Variants in PTPN4 observed in about 807,000 individuals in gnomAD.
The protein encoded by PTPN4 is protein tyrosine phosphatase non-receptor type 4, also known as tyrosine-protein phosphatase non-receptor type 4.
A neutral mutation model predicts 135.5 loss-of-function variants in PTPN4; 49 were observed. The observed-to-expected ratio is 0.36, with a 90% CI of 0.29 to 0.46. The LOEUF (loss-of-function observed/expected upper bound fraction) is 0.46. PTPN4 is among the 20% of genes least tolerant of loss of function. The pLI is 1.00. For synonymous variants in PTPN4, 333 were observed against 369.9 expected (o/e 0.90, Z 1.14); for missense variants, 860 against 1,101.0 (o/e 0.78, Z 3.10).
chr2:119,904,580 T>G (rs1241687154), intron 10 of PTPN4, among the ~76,000 whole-genome samples: 1 of 151,924 alleles, frequency 6.6e-6, no homozygotes, highest in Non-Finnish European at 1.5e-5. Flanking sequence ...CCCGAAAAGG[T>G]CTCCTCCAAG....
intron 19 of PTPN4, among the ~76,000 whole-genome samples, chr2:119,954,604 A>C (rs1185670660): frequency 6.6e-6 from 1 of 152,162 alleles, no homozygotes; most frequent in East Asian, 1.9e-4. Flanking sequence ...AATGGGACTG[A>C]GAGTGGGTAA....
At chr2:119,954,197 G>A (rs767074986) in intron 19 of PTPN4, among the ~76,000 whole-genome samples, 7 of 152,142 alleles carry the variant, frequency 4.6e-5, no homozygotes, top group African/African-American at 1.2e-4. Context: ...CTAAAAAAAT[G>A]TATAGATATT....
At chr2:119,838,999 T>G (rs1677340019) in intron 2 of PTPN4, among the ~76,000 whole-genome samples, 1 of 152,238 alleles carries the variant, frequency 6.6e-6, no homozygotes, top group Non-Finnish European at 1.5e-5. Context: ...TATGTACTTA[T>G]TCTCTCTGCC....
chr2:119,774,809 G>A (rs1038906819), intron 1 of PTPN4, among the ~76,000 whole-genome samples: 1 of 152,108 alleles, frequency 6.6e-6, no homozygotes, highest in South Asian at 2.1e-4. Flanking sequence ...GGCAGATCAC[G>A]AGGTCGGGAG....
At position 119,877,368 on chromosome 2, in the gene PTPN4, G is replaced by A. The variant is rs752151188; in HGVS notation, c.289+3G>A. On this transcript the variant is annotated splice_donor_region_variant and intron_variant, in intron 4 of 26. Coordinates refer to ENST00000263708, the MANE Select transcript of PTPN4 (RefSeq NM_002830.4). ...ACCAATAAGGAAGCAGCTAAAGAGT[G>A]AGCATACATATTTACTTAATGTTTT... is the stretch of plus-strand genomic sequence containing the variant. The A allele has an allele frequency of 1.2e-6, 2 of 1,611,982 alleles. No homozygotes were observed. Among genetic ancestry groups the A allele is most frequent in the East Asian group, 2.2e-5 (1 of 44,750 alleles).
At chr2:119,833,113 TC>T (rs1382957637) in intron 2 of PTPN4, among the ~76,000 whole-genome samples, 1 of 152,186 alleles carries the variant, frequency 6.6e-6, no homozygotes, top group Non-Finnish European at 1.5e-5. Context: ...TTCTTTCACT[TC>T]CTTCATTGTT....
At chr2:119,777,452 G>A (rs1690857725) in intron 1 of PTPN4, among the ~76,000 whole-genome samples, 1 of 152,064 alleles carries the variant, frequency 6.6e-6, no homozygotes, top group Admixed American at 6.5e-5. Context: ...ATGAGGGCAA[G>A]GACCTTTATC....
At chr2:119,839,837 A>C (rs899522729) in intron 2 of PTPN4, among the ~76,000 whole-genome samples, 5 of 152,172 alleles carry the variant, frequency 3.3e-5, no homozygotes, top group Non-Finnish European at 5.9e-5. Flanking sequence ...AAATTTTGTC[A>C]TCAGTATGCA....
chr2:119,868,331 A>T (rs1469212230), intron 3 of PTPN4, among the ~76,000 whole-genome samples: 2 of 152,232 alleles, frequency 1.3e-5, no homozygotes, highest in East Asian at 3.8e-4. Context: ...TCAATACCAA[A>T]TGTTGACAAG....
At chr2:119,773,604 C>T (rs560909584) in intron 1 of PTPN4, among the ~76,000 whole-genome samples, 15 of 151,868 alleles carry the variant, frequency 9.9e-5, no homozygotes, top group Admixed American at 4.6e-4. Flanking sequence ...GGCGTGGTGG[C>T]GCACGCCTGT....
At chr2:119,870,774 A>G (rs1020994317) in intron 3 of PTPN4, among the ~76,000 whole-genome samples, 20 of 152,312 alleles carry the variant, frequency 1.3e-4, no homozygotes, top group African/African-American at 4.6e-4. Context: ...CAGATACCAT[A>G]TATAAAAATA....
At chr2:119,887,947 A>T (rs1489436218) in intron 9 of PTPN4, among the ~76,000 whole-genome samples, 1 of 152,190 alleles carries the variant, frequency 6.6e-6, no homozygotes, top group Non-Finnish European at 1.5e-5. Context: ...CTGGATCTGT[A>T]GAGTGCTCTG....
chr2:119,895,227 G>A (rs1011202908), intron 9 of PTPN4, among the ~76,000 whole-genome samples: 1 of 152,038 alleles, frequency 6.6e-6, no homozygotes. Context: ...GAAAATTAAC[G>A]GCTGTCTCCA....
chr2:119,879,483 A>G (rs1167044431), intron 5 of PTPN4, among the ~76,000 whole-genome samples: 2 of 152,206 alleles, frequency 1.3e-5, no homozygotes, highest in Admixed American at 1.3e-4. Context: ...ACCATAGTGT[A>G]TATCAGTGAT....
chr2:119,917,866 T>C (rs1574403689), intron 11 of PTPN4, among the ~76,000 whole-genome samples: 1 of 152,236 alleles, frequency 6.6e-6, no homozygotes. Flanking sequence ...TATCTCTCAG[T>C]ACAAATTTTT....
chr2:119,805,665 G>A (rs1315020691), intron 1 of PTPN4, among the ~76,000 whole-genome samples: 1 of 152,194 alleles, frequency 6.6e-6, no homozygotes, highest in East Asian at 1.9e-4. Context: ...CCAGTACCAT[G>A]CTGTTTTGGT....
At chr2:119,832,868 T>C (rs1040426277) in intron 2 of PTPN4, among the ~76,000 whole-genome samples, 5 of 152,202 alleles carry the variant, frequency 3.3e-5, no homozygotes, top group Non-Finnish European at 7.4e-5. Flanking sequence ...ATTAGAATCA[T>C]AAGACTAACT....
chr2:119,926,688 G>A (rs747016472), intron 13 of PTPN4, 22 bp downstream of exon 13: 17 of 1,542,404 alleles, frequency 1.1e-5, no homozygotes, highest in Non-Finnish European at 1.4e-5. Context: ...CTGTTTCATT[G>A]TTTGAATTTT....
chr2:119,914,248 ATTTTTTTTTTTTTTT>A (rs55911315), intron 10 of PTPN4, among the ~76,000 whole-genome samples: 12 of 97,430 alleles, frequency 1.2e-4, no homozygotes, highest in African/African-American at 5.9e-4. Flanking sequence ...TAGTTACTCA[ATTTTTTTTTTTTTTT>A]TTTTTTTTTT....
Sources: allele counts gnomAD v4.1 joint callset (sites outside exome capture counted in the v4.1 genomes callset), GRCh38; gene constraint gnomAD v4.1.1; transcripts MANE v1.5; gene names NCBI Gene and HGNC (gene_info 2026-07-23, HGNC 2026-07-21).